The following TERF2 variants were observed in gnomAD, a reference collection of about 807,000 sequenced individuals.
The protein encoded by TERF2 is telomeric repeat-binding factor 2.
Under a neutral mutation model 56.1 loss-of-function variants are expected in TERF2, and 16 were observed. The ratio of observed to expected loss-of-function variants is 0.29; its 90% confidence interval spans 0.19 to 0.43. TERF2 has a LOEUF of 0.43. Ranked by LOEUF, TERF2 falls within the 20% of genes least tolerant of loss-of-function variation. TERF2 has a pLI of 1.00. For synonymous variants in TERF2, 296 were observed against 282.1 expected, an observed-to-expected ratio of 1.05 and a Z score of -0.50; for missense variants, 547 against 712.9, an observed-to-expected ratio of 0.77 and a Z score of 2.65.
At chr16:69,368,076 T>G (rs1170659733) in intron 6 of TERF2, among the ~76,000 whole-genome samples, 1 of 152,220 alleles carries the variant, frequency 6.6e-6, no homozygotes, top group Non-Finnish European at 1.5e-5. Context: ...GCTTCCTGAA[T>G]GTATTAAGAG....
chr16:69,367,216 G>A lies in TERF2; in HGVS notation c.948-17C>T. ...CGTAGCTGCCTGCAAATCAAGCATA[G>A]GCACAAAGATGTTTTTCACCACTGA... On this transcript the variant is annotated splice_polypyrimidine_tract_variant and intron_variant, in intron 6 of 9. Coordinates refer to ENST00000254942, the MANE Select transcript of TERF2 (RefSeq NM_005652.5). 6.3e-7 allele frequency: 1 copy of A among 1,582,212 alleles called. No individual in the cohort carries two copies. The highest frequency in any genetic ancestry group is 8.6e-7 in the Non-Finnish European group (1 of 1,162,744).
chr16:69,368,580 C>A, intron 5 of TERF2, 98 bp from the exon 6 acceptor site: 1 of 1,561,694 alleles, frequency 6.4e-7, no homozygotes. Flanking sequence ...CAAACAAGTT[C>A]ACTTACAAAT....
At chr16:69,361,223 C>A (rs1204787677) in intron 8 of TERF2, 181 bp downstream of exon 8, 4 of 601,784 alleles carry the variant, frequency 6.6e-6, no homozygotes, top group East Asian at 2.8e-5. Flanking sequence ...CAGAGCAAGA[C>A]CCTGTCTGAA....
At chr16:69,376,540 T>C (rs1597256153) in intron 3 of TERF2, among the ~76,000 whole-genome samples, 1 of 152,188 alleles carries the variant, frequency 6.6e-6, no homozygotes, top group East Asian at 1.9e-4. Context: ...TTAGCCAGTC[T>C]GTATCTATAG....
intron 3 of TERF2, among the ~76,000 whole-genome samples, chr16:69,375,130 G>C (rs981624878): frequency 7.2e-5 from 11 of 152,086 alleles, no homozygotes; most frequent in Admixed American, 1.3e-4. Flanking sequence ...TCCATTCCAT[G>C]CATGTACTAT....
intron 5 of TERF2, 105 bp downstream of exon 5, chr16:69,370,378 A>G (rs1003789641): frequency 8.8e-5 from 129 of 1,459,354 alleles, no homozygotes; most frequent in Non-Finnish European, 1.1e-4. Flanking sequence ...AGTGCATACA[A>G]TTCAATGTCT....
rs186419731 is a variant in TERF2, at chr16:69,358,599, G to A, written c.1427-1038C>T. Among the ~76,000 whole-genome samples, 368 of 152,308 alleles carry A rather than the reference G, an allele frequency of 2.4e-3. 3 individuals carry two copies. Among genetic ancestry groups the A allele is most frequent in the Middle Eastern group, 3.4e-3 (1 of 294 alleles). On this transcript the variant is annotated intron_variant, in intron 8 of 9. Coordinates refer to ENST00000254942, the MANE Select transcript of TERF2 (RefSeq NM_005652.5). ...GGGGATATGTTCTGAGAAATGCATC[G>A]TTTGGTGATTTCATCCTTGTGTGAC...
chr16:69,384,143 G>C (rs1170563436), intron 3 of TERF2, among the ~76,000 whole-genome samples: 1 of 152,098 alleles, frequency 6.6e-6, no homozygotes. Flanking sequence ...TAATCTATCT[G>C]TTCAAAAGGG....
Position 69,357,027 on chromosome 16 carries a change from G to A in TERF2, c.1500C>T (p.Val500=). ...QKWTVEESEW[V]KAGVQKYGEG... ...CCCCATATTTCTGCACTCCAGCCTT[G>A]ACCCACTCGCTTTCTTCTACAGTCC... The change falls in exon 10 of 10, where the codon GTC becomes GTT. Residue 500 remains valine, a synonymous_variant. Coordinates refer to ENST00000254942, the MANE Select transcript of TERF2 (RefSeq NM_005652.5). 3 of 1,612,372 alleles carry A rather than the reference G, an allele frequency of 1.9e-6. No individual in the cohort carries two copies. The highest frequency in any genetic ancestry group is 2.5e-6 in the Non-Finnish European group (3 of 1,179,582).
intron 3 of TERF2, among the ~76,000 whole-genome samples, chr16:69,375,876 A>T (rs1283651490): frequency 2.0e-5 from 3 of 152,010 alleles, no homozygotes; most frequent in Admixed American, 6.6e-5. Context: ...TACCATCTAC[A>T]TTATTTTGGG....
rs780628675 is a variant in TERF2, at chr16:69,385,624, C to T, written c.348G>A (p.Gly116=). Reference sequence around the variant, plus strand: ...TGATGTCCCGGATCTGTCTGAAGTCCCCGTACCGGCTACCCCGAAAGGCCC... The same window carrying T: ...TGATGTCCCGGATCTGTCTGAAGTCTCCGTACCGGCTACCCCGAAAGGCCC... ...ALRAFRGSRY[G]DFRQIRDIMQ... Residue 116 remains glycine (G), a synonymous_variant, in exon 1 of 10, where the codon GGG becomes GGA. Transcript: ENST00000254942. 11 of 1,611,566 alleles carry T rather than the reference C, an allele frequency of 6.8e-6. No individual in the cohort carries two copies. The South Asian group carries it at 1.2e-4, about 18-fold the overall frequency.
intron 4 of TERF2, among the ~76,000 whole-genome samples, chr16:69,370,923 T>G (rs902664506): frequency 7.9e-5 from 12 of 152,142 alleles, no homozygotes; most frequent in Non-Finnish European, 1.3e-4. Flanking sequence ...AGTGTTCACA[T>G]TAGTGTGTAG....
chr16:69,359,384 TG>T (rs1236954061), intron 8 of TERF2, among the ~76,000 whole-genome samples: 1 of 151,728 alleles, frequency 6.6e-6, no homozygotes. Context: ...GAAAATTAGC[TG>T]GGAGTGGTGG....
intron 7 of TERF2, among the ~76,000 whole-genome samples, chr16:69,363,975 C>G (rs993546786): frequency 1.3e-5 from 2 of 151,932 alleles, no homozygotes; most frequent in African/African-American, 4.8e-5. Flanking sequence ...GAGCGAGACC[C>G]TGTCTCAAGA....
intron 5 of TERF2, among the ~76,000 whole-genome samples, chr16:69,369,102 G>C (rs1424278604): frequency 1.3e-5 from 1 of 75,424 alleles, no homozygotes; most frequent in East Asian, 2.4e-4. Context: ...CCCTGAGTAG[G>C]CTAATCAGGG....
At chr16:69,358,453 C>T in intron 8 of TERF2, among the ~76,000 whole-genome samples, 1 of 152,128 alleles carries the variant, frequency 6.6e-6, no homozygotes, top group East Asian at 1.9e-4. Flanking sequence ...GCCCCAACAT[C>T]GTTTTCTAAA....
At chr16:69,358,244 A>T (rs2012993577) in intron 8 of TERF2, among the ~76,000 whole-genome samples, 1 of 151,878 alleles carries the variant, frequency 6.6e-6, no homozygotes. Flanking sequence ...CCATCTCCCG[A>T]CCTCATGATC....
At chr16:69,358,054 C>A (rs2012983132) in intron 8 of TERF2, among the ~76,000 whole-genome samples, 1 of 151,206 alleles carries the variant, frequency 6.6e-6, no homozygotes, top group African/African-American at 2.4e-5. Context: ...ACTCTGTCGC[C>A]CAGGCTGGAG....
intron 7 of TERF2, among the ~76,000 whole-genome samples, chr16:69,363,863 TG>T (rs2013239105): frequency 6.6e-6 from 1 of 151,822 alleles, no homozygotes; most frequent in South Asian, 2.1e-4. Context: ...GTTACTGGGA[TG>T]GGGGCGGGGA....
Sources: allele counts gnomAD v4.1 joint callset (sites outside exome capture counted in the v4.1 genomes callset), GRCh38; gene constraint gnomAD v4.1.1; transcripts MANE v1.5; gene names NCBI Gene and HGNC (gene_info 2026-07-23, HGNC 2026-07-21).